BASP1: variants seen among roughly 807,000 people sequenced by gnomAD.
The protein encoded by BASP1 is brain acid soluble protein 1.
Under a neutral mutation model 2.2 loss-of-function variants are expected in BASP1, and 1 was observed. The observed-to-expected ratio is 0.46, with a 90% CI of 0.16 to 2.17. BASP1 has a LOEUF of 2.17. Ranked by LOEUF, BASP1 falls within the 30% of genes most tolerant of loss-of-function variation. BASP1 has a pLI of 0.27. For synonymous variants in BASP1, 187 were observed against 154.2 expected (o/e 1.21, Z -1.58); for missense variants, 352 against 327.2 (o/e 1.08, Z -0.58).
chr5:17,228,166 A>G (rs530119598), intron 1 of BASP1, among the ~76,000 whole-genome samples: 1 of 152,354 alleles, frequency 6.6e-6, no homozygotes, highest in East Asian at 1.9e-4. Flanking sequence ...AAAACAGGAC[A>G]TAAGTGGCTT....
chr5:17,267,569 A>G (rs1396632467), intron 1 of BASP1, among the ~76,000 whole-genome samples: 2 of 149,694 alleles, frequency 1.3e-5, no homozygotes, highest in African/African-American at 4.9e-5. Context: ...CCCAGGCTGG[A>G]GTGCGGTGGC....
intron 1 of BASP1, among the ~76,000 whole-genome samples, chr5:17,229,560 G>A (rs532552641): frequency 1.3e-5 from 2 of 152,184 alleles, no homozygotes; most frequent in East Asian, 3.9e-4. Context: ...TCCTCACTTT[G>A]TGTTCAGGGG....
intron 1 of BASP1, among the ~76,000 whole-genome samples, chr5:17,243,140 C>A: frequency 6.6e-6 from 1 of 151,170 alleles, no homozygotes; most frequent in East Asian, 1.9e-4. Flanking sequence ...GCCACTGAGA[C>A]TTAAATTCTT....
intron 1 of BASP1, chr5:17,240,738 G>T (rs372118613): frequency 3.3e-5 from 5 of 152,266 alleles, no homozygotes; most frequent in Middle Eastern, 3.4e-3. Context: ...AAGTTGAAGG[G>T]AGTGCCCTAG....
chr5:17,263,377 C>T (rs1579500224), intron 1 of BASP1, among the ~76,000 whole-genome samples: 1 of 152,150 alleles, frequency 6.6e-6, no homozygotes, highest in African/African-American at 2.4e-5. Flanking sequence ...TCAAGTGATC[C>T]TCTTGCTTCG....
chr5:17,242,259 G>T (rs964063072), intron 1 of BASP1, among the ~76,000 whole-genome samples: 1 of 152,102 alleles, frequency 6.6e-6, no homozygotes, highest in Non-Finnish European at 1.5e-5. Flanking sequence ...AGAAGTTTTT[G>T]TATATATATA....
chr5:17,229,767 C>A (rs1195980478), intron 1 of BASP1, among the ~76,000 whole-genome samples: 8 of 148,014 alleles, frequency 5.4e-5, no homozygotes, highest in African/African-American at 2.0e-4. Flanking sequence ...CCAAGATCAA[C>A]ATGTTGGTAG....
intron 1 of BASP1, among the ~76,000 whole-genome samples, chr5:17,218,526 G>T (rs1468811303): frequency 1.3e-5 from 2 of 152,108 alleles, no homozygotes; most frequent in Non-Finnish European, 2.9e-5. Flanking sequence ...GGGCTGCCTC[G>T]GAGCAGTTTG....
Position 17,276,787 on chromosome 5 carries a change from A to G in BASP1, c.*887A>G, listed in dbSNP as rs949661298. On this transcript the variant is annotated 3_prime_UTR_variant, in exon 2 of 2. Transcript: ENST00000322611. Reference sequence around the variant, plus strand: ...CAATGGATGCATTGAAATTATATGTAATTGTATAAATGGTGCAACAGTAAT... The same window carrying G: ...CAATGGATGCATTGAAATTATATGTGATTGTATAAATGGTGCAACAGTAAT... 2 of 166,338 alleles carry G rather than the reference A, an allele frequency of 1.2e-5. No individual in the cohort carries two copies. The highest frequency in any genetic ancestry group is 4.2e-4 in the South Asian group (2 of 4,802). 10.3% of individuals were successfully genotyped at this position (166,338 alleles called of 1,614,324 possible).
In BASP1 at chr5:17,276,826, TAA is replaced by T. The variant is rs1236509413; in HGVS notation, c.*930_*931del. The T allele has an allele frequency of 6.0e-6, 1 of 167,012 alleles. No individual in the cohort carries two copies. The highest frequency in any genetic ancestry group is 2.4e-5 in the African/African-American group (1 of 41,426). The allele number at this position is 167,012 out of a possible 1,614,324, so 10.3% of individuals were successfully genotyped here. On this transcript the variant is annotated 3_prime_UTR_variant, in exon 2 of 2. Transcript: ENST00000322611. ...TGCAACAGTAATAAAGTTAAACAAT[TAA>T]AAAGAAGTAATAAAGACTATTGGGT...
chr5:17,237,163 T>A (rs1314442465), intron 1 of BASP1, among the ~76,000 whole-genome samples: 6 of 151,840 alleles, frequency 4.0e-5, no homozygotes, highest in Admixed American at 3.9e-4. Context: ...GGCTAACACG[T>A]GAAAACCTGT....
At chr5:17,218,181 T>C (rs901409145) in intron 1 of BASP1, among the ~76,000 whole-genome samples, 3 of 150,248 alleles carry the variant, frequency 2.0e-5, no homozygotes, top group Non-Finnish European at 4.4e-5. Flanking sequence ...GGGAGACGGT[T>C]CTGTGGGCTG....
chr5:17,271,732 T>C (rs994643638), intron 1 of BASP1, among the ~76,000 whole-genome samples: 1 of 152,176 alleles, frequency 6.6e-6, no homozygotes, highest in African/African-American at 2.4e-5. Flanking sequence ...CTTCTAACTT[T>C]CTATACCAAA....
intron 1 of BASP1, among the ~76,000 whole-genome samples, chr5:17,270,112 T>A (rs566652440): frequency 2.2e-4 from 33 of 152,322 alleles, no homozygotes; most frequent in African/African-American, 7.5e-4. Context: ...GCGATTCTCC[T>A]GCCTCAGCCT....
At chr5:17,221,136 A>G (rs143468491) in intron 1 of BASP1, among the ~76,000 whole-genome samples, 1 of 152,190 alleles carries the variant, frequency 6.6e-6, no homozygotes, top group East Asian at 1.9e-4. Context: ...AACATAATCA[A>G]TTTCTGTCTT....
At chr5:17,245,419 GTTTTA>G (rs1428929990) in intron 1 of BASP1, among the ~76,000 whole-genome samples, 1 of 152,000 alleles carries the variant, frequency 6.6e-6, no homozygotes, top group Non-Finnish European at 1.5e-5. Context: ...TGAAGATGGA[GTTTTA>G]TGTTATAATT....
intron 1 of BASP1, among the ~76,000 whole-genome samples, chr5:17,242,212 T>C (rs1739876752): frequency 6.6e-6 from 1 of 152,196 alleles, no homozygotes; most frequent in African/African-American, 2.4e-5. Flanking sequence ...TTAAATTTGA[T>C]CAATGACTCA....
intron 1 of BASP1, among the ~76,000 whole-genome samples, chr5:17,257,683 A>G (rs1038897896): frequency 1.3e-5 from 2 of 152,136 alleles, no homozygotes; most frequent in African/African-American, 4.8e-5. Context: ...GCTTTTTTTC[A>G]CAGAGTATAT....
intron 1 of BASP1, among the ~76,000 whole-genome samples, chr5:17,247,367 A>G (rs966933649): frequency 6.6e-6 from 1 of 152,176 alleles, no homozygotes; most frequent in African/African-American, 2.4e-5. Context: ...AAAATGCCCC[A>G]TAGGTTCTAT....
Sources: gnomAD v4.1 joint callset for allele counts (sites outside exome capture counted in the v4.1 genomes callset) on GRCh38, gnomAD v4.1.1 for gene constraint, MANE v1.5 for transcripts, NCBI Gene and HGNC (gene_info 2026-07-23, HGNC 2026-07-21) for gene names.